SV2C: variants seen among roughly 807,000 people sequenced by gnomAD.
SV2C encodes the protein synaptic vesicle glycoprotein 2C.
SV2C carries 49 observed loss-of-function variants against 79.7 expected under a neutral mutation model. The ratio of observed to expected loss-of-function variants is 0.61; its 90% CI spans 0.49 to 0.78. The LOEUF (loss-of-function observed/expected upper bound fraction) is 0.78, where lower values mean the gene tolerates loss of function less well. Among genes scored for constraint, SV2C ranks in the 30% least tolerant of loss-of-function variants. The pLI is 0.00. For missense variants in SV2C, 833 were observed against 912.9 expected, an observed-to-expected ratio of 0.91 and a Z score of 1.13; for synonymous variants, 334 against 333.2, an observed-to-expected ratio of 1.00 and a Z score of -0.03.
chr5:76,141,418 G>C (rs927541967), intron 2 of SV2C, among the ~76,000 whole-genome samples: 3 of 152,160 alleles, frequency 2.0e-5, no homozygotes, highest in African/African-American at 7.2e-5. Flanking sequence ...CTAACGCTGA[G>C]AGCACTGGCC....
At chr5:76,129,843 T>C (rs1182706607) in intron 1 of SV2C, among the ~76,000 whole-genome samples, 1 of 152,186 alleles carries the variant, frequency 6.6e-6, no homozygotes, top group Non-Finnish European at 1.5e-5. Flanking sequence ...TTAATGGTAT[T>C]TCTGGAGCTG....
At chr5:75,993,620 T>C in the SV2C span, among the ~76,000 whole-genome samples, 1 of 152,054 alleles carries the variant, frequency 6.6e-6, no homozygotes, top group Admixed American at 6.6e-5. Flanking sequence ...TAATGTAATA[T>C]ATTTCCCTGA....
intron 2 of SV2C, among the ~76,000 whole-genome samples, chr5:76,135,895 C>T (rs1749053380): frequency 6.6e-6 from 1 of 152,182 alleles, no homozygotes; most frequent in Non-Finnish European, 1.5e-5. Context: ...CTCAGCCCTA[C>T]CCCGACTCTA....
chr5:75,925,444 A>T, the SV2C span, among the ~76,000 whole-genome samples: 1 of 152,200 alleles, frequency 6.6e-6, no homozygotes, highest in Non-Finnish European at 1.5e-5. Flanking sequence ...ACGGGCCAGT[A>T]CCATACACCA....
the SV2C span, among the ~76,000 whole-genome samples, chr5:76,073,737 A>G: frequency 0.58 from 87,929 of 150,894 alleles, 27,678 homozygotes; most frequent in African/African-American, 0.83. Flanking sequence ...ATGGACTTTA[A>G]GGACTCAGGC....
chr5:76,130,612 C>T (rs899873388), intron 1 of SV2C, among the ~76,000 whole-genome samples: 1 of 152,112 alleles, frequency 6.6e-6, no homozygotes, highest in African/African-American at 2.4e-5. Flanking sequence ...CTGTCAGTGA[C>T]TCACATGAGC....
chr5:76,251,905 C>T (rs979238009), intron 4 of SV2C, among the ~76,000 whole-genome samples: 12 of 152,192 alleles, frequency 7.9e-5, no homozygotes, highest in African/African-American at 2.7e-4. Flanking sequence ...CAGTACATAA[C>T]ACTGACATAG....
At chr5:75,859,277 T>C in the SV2C span, among the ~76,000 whole-genome samples, 1 of 152,202 alleles carries the variant, frequency 6.6e-6, no homozygotes, top group Non-Finnish European at 1.5e-5. Flanking sequence ...CCAGATTAAG[T>C]AATGAGGATC....
rs543371032 is a variant in SV2C, at chr5:76,298,741, A to G, written c.1503-53A>G. 7.5e-6 allele frequency: 12 copies of G among 1,593,488 alleles called. No homozygotes were observed. In the Admixed American group the frequency reaches 2.0e-4, roughly 27 times the overall value. On this transcript the variant is annotated intron_variant, in intron 9 of 12. Transcript: ENST00000502798. ...CTAAAACTATTTGACTTAGCTTTGA[A>G]CTTTGATGGACACAGTCATTGATTG...
At chr5:75,973,534 G>A in the SV2C span, among the ~76,000 whole-genome samples, 1 of 151,488 alleles carries the variant, frequency 6.6e-6, no homozygotes, top group South Asian at 2.1e-4. Flanking sequence ...AAAAAGTAAA[G>A]AAATGTGTTT....
At chr5:75,890,257 G>A in the SV2C span, among the ~76,000 whole-genome samples, 1 of 152,098 alleles carries the variant, frequency 6.6e-6, no homozygotes, top group Non-Finnish European at 1.5e-5. Flanking sequence ...TTGCAAAGCA[G>A]GTACACTTGT....
rs1749123046 is a variant in SV2C at position 76,329,885 on chromosome 5, T to C, written c.*4338T>C. 1 of 151,970 alleles carries C rather than the reference T, an allele frequency of 6.6e-6. No individual in the cohort carries two copies. The allele number at this position is 151,970 out of a possible 1,614,324, so 9.4% of individuals were successfully genotyped here. On this transcript the variant is annotated 3_prime_UTR_variant, in exon 13 of 13. Transcript: ENST00000502798. The stretch of plus-strand genomic sequence containing the variant: ...TGTTAAGGGGCATATCGGCTGTATG[T>C]TAGGTTTTCTTTAATCCTCACATCG...
the SV2C span, among the ~76,000 whole-genome samples, chr5:75,854,079 A>G: frequency 6.6e-6 from 1 of 151,488 alleles, no homozygotes; most frequent in Non-Finnish European, 1.5e-5. Context: ...TTCTTTCACA[A>G]TAGGTTTGAT....
the SV2C span, among the ~76,000 whole-genome samples, chr5:76,049,324 GA>G: frequency 2.8e-3 from 295 of 106,958 alleles, 1 homozygote; most frequent in Middle Eastern, 6.0e-3. Context: ...GTGACAGAGC[GA>G]AAAAAAAAAA....
chr5:76,048,791 C>T, the SV2C span, among the ~76,000 whole-genome samples: 1 of 131,958 alleles, frequency 7.6e-6, no homozygotes, highest in Admixed American at 8.1e-5. Flanking sequence ...ACCTGATGAA[C>T]CTTTTTCAGC....
the SV2C span, among the ~76,000 whole-genome samples, chr5:75,849,972 G>T: frequency 6.6e-6 from 1 of 151,790 alleles, no homozygotes; most frequent in Non-Finnish European, 1.5e-5. Flanking sequence ...TATCATAACT[G>T]CTTAGAATGA....
intron 4 of SV2C, among the ~76,000 whole-genome samples, chr5:76,243,407 C>T (rs1242741764): frequency 6.6e-6 from 1 of 152,146 alleles, no homozygotes; most frequent in Non-Finnish European, 1.5e-5. Flanking sequence ...CAGCTGAGTG[C>T]AGGACAGCAG....
the SV2C span, among the ~76,000 whole-genome samples, chr5:76,019,113 T>C: frequency 6.6e-6 from 1 of 151,994 alleles, no homozygotes; most frequent in Non-Finnish European, 1.5e-5. Context: ...AAAACCCCTA[T>C]CATTGGAAAA....
chr5:76,045,412 A>G, the SV2C span, among the ~76,000 whole-genome samples: 8 of 152,158 alleles, frequency 5.3e-5, no homozygotes, highest in Non-Finnish European at 1.0e-4. Context: ...TTTGGGTTTC[A>G]TATGAATTTT....
Sources: allele counts gnomAD v4.1 joint callset (sites outside exome capture counted in the v4.1 genomes callset), GRCh38; gene constraint gnomAD v4.1.1; transcripts MANE v1.5; gene names NCBI Gene and HGNC (gene_info 2026-07-23, HGNC 2026-07-21).